USO1: variants seen among roughly 807,000 people sequenced by gnomAD.
The protein encoded by USO1 is general vesicular transport factor p115.
Under a neutral mutation model 124.5 loss-of-function variants are expected in USO1, and 57 were observed. That is an observed-to-expected ratio of 0.46 (90% CI 0.37 to 0.57). USO1 has a LOEUF of 0.57. Ranked by LOEUF, USO1 falls within the 20% of genes least tolerant of loss-of-function variation. USO1 has a pLI of 0.00. For synonymous variants in USO1, 369 were observed against 362.8 expected, an observed-to-expected ratio of 1.02 and a Z score of -0.19; for missense variants, 900 against 1,040.6, an observed-to-expected ratio of 0.86 and a Z score of 1.86.
rs537156545 is a variant in USO1, at chr4:75,758,911, C to A, written c.295+1338C>A. ...CTTTGAAGAAAAAGATACTTATTTT[C>A]CCTAGTTATTTCTACAATGAGAAAA... is the stretch of plus-strand genomic sequence containing the variant. On this transcript the variant is annotated intron_variant, in intron 4 of 23. Coordinates refer to ENST00000514213, the MANE Select transcript of USO1 (RefSeq NM_003715.4). Among the ~76,000 whole-genome samples, 5 of 152,210 alleles carry A rather than the reference C, an allele frequency of 3.3e-5. No individual in the cohort carries two copies. The South Asian group carries it at 1.0e-3, about 32-fold the overall frequency.
At position 75,799,680 on chromosome 4, in the gene USO1, A is replaced by G. The variant is rs550636379; in HGVS notation, c.1511A>G (p.Asn504Ser). The change falls in exon 14 of 24, where the codon AAT becomes AGT. Residue 504 changes from asparagine to serine, a missense_variant. Transcript: ENST00000514213. ...ATGTTGCTTTGTACCTGGCTAAGCAATTGTCCCATTGCAGTAACGCATTTT... is the reference window on the plus strand; with the variant it reads ...ATGTTGCTTTGTACCTGGCTAAGCAGTTGTCCCATTGCAGTAACGCATTTT... ...LLMLLCTWLS[N>S]CPIAVTHFLH... The G allele has an allele frequency of 5.0e-5, 81 of 1,613,842 alleles. No homozygotes were observed. The highest frequency in any genetic ancestry group is 1.6e-4 in the African/African-American group (12 of 75,054).
chr4:75,808,103 T>C (rs12511575), intron 20 of USO1, among the ~76,000 whole-genome samples: 8,394 of 152,206 alleles, frequency 0.055, 314 homozygotes, highest in South Asian at 0.2. Flanking sequence ...TTACCAAATG[T>C]CCTCGGGGAT....
rs41282391 is a variant in USO1, at chr4:75,809,048, G to A, written c.2472G>A (p.Ala824=). ...AGGAACTGTTACAGAAAACAGAAGC[G>A]TTTGTAAGTATTTTCTCTTTTTTCT... is the stretch of plus-strand genomic sequence containing the variant. The part of the protein sequence containing the change: ...EKQELLQKTE[A]FAKSVEVQGE... The change falls in exon 21 of 24, where the codon GCG becomes GCA. Residue 824 remains alanine, a synonymous_variant. Coordinates refer to ENST00000514213, the MANE Select transcript of USO1 (RefSeq NM_003715.4). The A allele has an allele frequency of 7.4e-3, 11,739 of 1,585,008 alleles. 66 individuals are homozygous for A. The highest frequency in any genetic ancestry group is 8.9e-3 in the Non-Finnish European group (10,390 of 1,167,156).
intron 13 of USO1, 105 bp from the exon 14 acceptor site, chr4:75,799,517 A>G (rs1436085297): frequency 3.1e-6 from 4 of 1,293,572 alleles, no homozygotes; most frequent in Non-Finnish European, 4.2e-6. Flanking sequence ...ATCTCTTGTA[A>G]GATGTTAAAG....
At chr4:75,770,738 C>A in intron 5 of USO1, 84 bp from the exon 6 acceptor site, 1 of 1,551,194 alleles carries the variant, frequency 6.4e-7, no homozygotes, top group South Asian at 1.2e-5. Flanking sequence ...CTTGTAGTTT[C>A]TGGTAAAAGT....
intron 1 of USO1, among the ~76,000 whole-genome samples, chr4:75,749,920 T>C (rs1721256495): frequency 6.6e-6 from 1 of 151,900 alleles, no homozygotes; most frequent in Non-Finnish European, 1.5e-5. Flanking sequence ...CCCAGCTAAT[T>C]TTTATTGCAT....
chr4:75,791,250 G>T (rs1363284416), intron 12 of USO1, among the ~76,000 whole-genome samples: 3 of 152,210 alleles, frequency 2.0e-5, no homozygotes, highest in Non-Finnish European at 4.4e-5. Flanking sequence ...TTTGCCAGGT[G>T]CGGTGGCTCA....
intron 4 of USO1, chr4:75,769,980 C>T (rs1204408110): frequency 6.6e-6 from 1 of 151,934 alleles, no homozygotes; most frequent in Non-Finnish European, 1.5e-5. Context: ...TAACAGTCAG[C>T]AAGGACTATA....
In USO1 at chr4:75,808,963, C is replaced by T. The variant is rs1224910225; in HGVS notation, c.2387C>T (p.Thr796Ile). ...ATTTTTGTCTCTTAGGAACTGGCAACTTTAAAGTCTCAGTTAAACTCACAA... is the reference window on the plus strand; with the variant it reads ...ATTTTTGTCTCTTAGGAACTGGCAATTTTAAAGTCTCAGTTAAACTCACAA... ...QVAELKQELA[T>I]LKSQLNSQSV... The change falls in exon 21 of 24, where the codon ACT becomes ATT. Residue 796 changes from threonine (T) to isoleucine (I), a missense_variant. Around this residue, in one of 2 missense-constraint regions of USO1, gnomAD observed 362 missense variants for 359.0 expected, o/e 1.01. Transcript: ENST00000514213. The T allele has an allele frequency of 1.9e-6, 3 of 1,598,598 alleles. No individual in the cohort carries two copies. The highest frequency in any genetic ancestry group is 2.6e-6 in the Non-Finnish European group (3 of 1,172,826).
intron 15 of USO1, 42 bp from the exon 16 acceptor site, chr4:75,800,575 AT>A: frequency 7.1e-7 from 1 of 1,404,582 alleles, no homozygotes; most frequent in Non-Finnish European, 9.3e-7. Flanking sequence ...TTTTGTTTTG[AT>A]TTTATTTTTT....
intron 3 of USO1, among the ~76,000 whole-genome samples, chr4:75,756,292 A>G (rs76467436): frequency 0.04 from 6,026 of 152,142 alleles, 178 homozygotes; most frequent in Non-Finnish European, 0.059. Context: ...GCCGTGAGCC[A>G]GAGAATGTGG....
chr4:75,766,757 G>T (rs1409092639), intron 4 of USO1, among the ~76,000 whole-genome samples: 1 of 152,172 alleles, frequency 6.6e-6, no homozygotes, highest in Admixed American at 6.5e-5. Context: ...TACAAATAAG[G>T]AAACTGAGAC....
intron 17 of USO1, 29 bp downstream of exon 17, chr4:75,801,229 C>A: frequency 6.6e-7 from 1 of 1,526,708 alleles, no homozygotes; most frequent in Non-Finnish European, 8.8e-7. Context: ...TATATACCCT[C>A]TGATTACCAA....
chr4:75,757,441 A>T (rs1192447291), intron 3 of USO1, 56 bp from the exon 4 acceptor site: 9 of 1,371,500 alleles, frequency 6.6e-6, no homozygotes, highest in Non-Finnish European at 8.5e-6. Context: ...AAAAATGGTC[A>T]TAACAGTTTA....
At position 75,787,185 on chromosome 4, in the gene USO1, G is replaced by T. The variant is rs577406155; in HGVS notation, c.979G>T (p.Ala327Ser). The T allele has an allele frequency of 6.5e-7, 1 of 1,548,302 alleles. No homozygotes were observed. The highest frequency in any genetic ancestry group is 1.4e-5 in the African/African-American group (1 of 71,126). Residue 327 changes from alanine to serine, a missense_variant, in exon 10 of 24, where the codon GCT (alanine) becomes TCT (serine). Transcript: ENST00000514213. Reference sequence around the variant, plus strand: ...TATCCTAATGGCTACTGGGGTTCCTGCTGATATCCTGACTGAGGTAAAGCA... The same window carrying T: ...TATCCTAATGGCTACTGGGGTTCCTTCTGATATCCTGACTGAGGTAAAGCA... Reference protein sequence around the residue: ...CTILMATGVPADILTETINTV... With the variant: ...CTILMATGVPSDILTETINTV...
intron 8 of USO1, among the ~76,000 whole-genome samples, chr4:75,782,448 G>A (rs887149272): frequency 6.6e-6 from 1 of 152,202 alleles, no homozygotes; most frequent in African/African-American, 2.4e-5. Flanking sequence ...GATAAACAAT[G>A]AGTTACTAAG....
At chr4:75,730,155 A>G (rs557198787) in intron 1 of USO1, among the ~76,000 whole-genome samples, 3 of 152,310 alleles carry the variant, frequency 2.0e-5, no homozygotes, top group East Asian at 3.9e-4. Flanking sequence ...AGTAGGGCCT[A>G]TTGAATACTA....
chr4:75,727,026 A>G (rs149371356), intron 1 of USO1, among the ~76,000 whole-genome samples: 19 of 152,354 alleles, frequency 1.2e-4, no homozygotes, highest in African/African-American at 4.6e-4. Context: ...CCTGGCACTT[A>G]GTAGATGTAT....
rs1022747809 is a variant in USO1, at chr4:75,751,508, G to A, written c.67-865G>A. 4.8e-5 allele frequency among the ~76,000 whole-genome samples: 7 copies of A among 145,616 alleles called. No homozygotes were observed. The East Asian group carries it at 6.4e-4, about 13-fold the overall frequency. On this transcript the variant is annotated intron_variant, in intron 1 of 23. Transcript: ENST00000514213. ...ATTACAGGCATGAGCCACTGAGCCC[G>A]GCCAAGATTCGTTTTAAAATTCAGT...
Sources: allele counts gnomAD v4.1 joint callset (sites outside exome capture counted in the v4.1 genomes callset), GRCh38; gene constraint gnomAD v4.1.1; regional missense constraint gnomAD v4.1.1; transcripts MANE v1.5; gene names NCBI Gene and HGNC (gene_info 2026-07-23, HGNC 2026-07-21).